Variants in DNAJC17 observed in about 807,000 individuals in gnomAD.
DNAJC17 encodes the protein dnaJ homolog subfamily C member 17.
In DNAJC17, 35 loss-of-function variants were observed where a neutral mutation model predicts 48.1. The observed-to-expected ratio is 0.73, with a 90% CI of 0.56 to 0.96. DNAJC17 has a LOEUF of 0.96. Ranked by LOEUF, DNAJC17 falls within the 50% of genes least tolerant of loss-of-function variation. The pLI, the probability that DNAJC17 is intolerant of heterozygous loss-of-function variation, is 0.00. For missense variants in DNAJC17, 355 were observed against 377.1 expected (o/e 0.94, Z 0.48); for synonymous variants, 117 against 142.7 (o/e 0.82, Z 1.28).
chr15:40,807,452 C>T lies in DNAJC17; in HGVS notation c.-6G>A. The T allele has an allele frequency of 1.9e-6, 3 of 1,614,190 alleles. No individual in the cohort carries two copies. The highest frequency in any genetic ancestry group is 4.5e-5 in the East Asian group (2 of 44,888). On this transcript the variant is annotated 5_prime_UTR_variant, in exon 1 of 11. Transcript: ENST00000220496. Reference sequence around the variant, plus strand: ...AGCTCCTTGGTCACTGCCATGGTTCCGGCCTGACGGATTCGTACTACAACT... The same window carrying T: ...AGCTCCTTGGTCACTGCCATGGTTCTGGCCTGACGGATTCGTACTACAACT...
Position 40,770,972 on chromosome 15 carries a change from G to C in DNAJC17, c.792+2755C>G. 3 of 1,551,324 alleles carry C rather than the reference G, an allele frequency of 1.9e-6. No individual in the cohort carries two copies. Among genetic ancestry groups the C allele is most frequent in the East Asian group, 4.9e-5 (2 of 40,924 alleles). ...TGGACCTGGGGATTTCACTTCTTGA[G>C]GAAGTTCTGCAGATGCTAAGGGAGC... On this transcript the variant is annotated intron_variant, in intron 10 of 10. Coordinates refer to ENST00000220496, the MANE Select transcript of DNAJC17 (RefSeq NM_018163.3). The surrounding 1 kb of genome is among the most constrained non-coding windows in gnomAD (Gnocchi z 5.0).
chr15:40,799,488 C>T (rs1183140696), intron 1 of DNAJC17, among the ~76,000 whole-genome samples: 1 of 152,132 alleles, frequency 6.6e-6, no homozygotes, highest in Non-Finnish European at 1.5e-5. Context: ...GAGGGAAGAA[C>T]ATTTGCAGAA....
chr15:40,804,250 G>GT (rs1890148212), intron 1 of DNAJC17, among the ~76,000 whole-genome samples: 1 of 151,886 alleles, frequency 6.6e-6, no homozygotes, highest in Admixed American at 6.6e-5. Flanking sequence ...GATTGCAGGT[G>GT]TGAGCCATCA....
chr15:40,781,888 C>T (rs1386844398), intron 1 of DNAJC17, among the ~76,000 whole-genome samples: 1 of 151,992 alleles, frequency 6.6e-6, no homozygotes, highest in African/African-American at 2.4e-5. Context: ...CACCATTGCA[C>T]TGCAGCCTGG....
rs115548865 is a variant in DNAJC17, at chr15:40,790,737, G to A, written c.79-10740C>T. ...GCTTGCTTTCAAGGTCTCATCAAATGAGATAATTTATGTGAAAGCACTTTG... is the reference window on the plus strand; with the variant it reads ...GCTTGCTTTCAAGGTCTCATCAAATAAGATAATTTATGTGAAAGCACTTTG... On this transcript the variant is annotated intron_variant, in intron 1 of 10. Transcript: ENST00000220496. 7.3e-3 allele frequency among the ~76,000 whole-genome samples: 1,107 copies of A among 152,326 alleles called. 17 individuals carry two copies. Among genetic ancestry groups the A allele is most frequent in the African/African-American group, 0.025 (1,045 of 41,580 alleles).
At chr15:40,779,815 G>A in intron 2 of DNAJC17, 113 bp downstream of exon 2, 3 of 1,260,192 alleles carry the variant, frequency 2.4e-6, no homozygotes, top group Non-Finnish European at 3.4e-6. Flanking sequence ...ATTGCCTGGA[G>A]CCAGGCAATG....
In DNAJC17 at chr15:40,770,713, G is replaced by C. The variant is rs779330480; in HGVS notation, c.793-2651C>G. On this transcript the variant is annotated intron_variant, in intron 10 of 10. Coordinates refer to ENST00000220496, the MANE Select transcript of DNAJC17 (RefSeq NM_018163.3). The surrounding 1 kb of genome is among the most constrained non-coding windows in gnomAD (Gnocchi z 5.0). ...CCACTGTGGGGGGACGAGCAGCCCC[G>C]GGCCACCCTGCTGGCCCCACCCAAG... 206 of 1,546,402 alleles carry C rather than the reference G, an allele frequency of 1.3e-4. No individual in the cohort carries two copies. The highest frequency in any genetic ancestry group is 1.0e-3 in the Middle Eastern group (6 of 5,980).
Position 40,767,412 on chromosome 15 carries a change from C to G in DNAJC17, c.*528G>C, listed in dbSNP as rs1888975238. 9.3e-6 allele frequency: 14 copies of G among 1,503,760 alleles called. No homozygotes were observed. Among genetic ancestry groups the G allele is most frequent in the Non-Finnish European group, 9.8e-6 (11 of 1,121,866 alleles). The allele number at this position is 1,503,760 out of a possible 1,614,324, so 93.2% of individuals were successfully genotyped here. Reference sequence around the variant, plus strand: ...GAGGGGCTGCTGTGGGCCCTGACCTCCAAGCTCCTGCCTCACCGTCTGCCT... The same window carrying G: ...GAGGGGCTGCTGTGGGCCCTGACCTGCAAGCTCCTGCCTCACCGTCTGCCT... On this transcript the variant is annotated 3_prime_UTR_variant, in exon 11 of 11. Coordinates refer to ENST00000220496, the MANE Select transcript of DNAJC17 (RefSeq NM_018163.3).
intron 1 of DNAJC17, among the ~76,000 whole-genome samples, chr15:40,804,876 C>T (rs750361142): frequency 6.6e-6 from 1 of 152,100 alleles, no homozygotes; most frequent in Non-Finnish European, 1.5e-5. Context: ...GTGGCACATG[C>T]CTGTAATCCC....
chr15:40,770,697 G>A lies in DNAJC17; in HGVS notation c.793-2635C>T, dbSNP rs1287681813. The stretch of plus-strand genomic sequence containing the variant: ...AGATGGCCGGCGCCTGCCACTGTGG[G>A]GGGACGAGCAGCCCCGGGCCACCCT... On this transcript the variant is annotated intron_variant, in intron 10 of 10. Transcript: ENST00000220496. This position sits in a 1 kb window ranked among gnomAD's most constrained non-coding sequence, Gnocchi z 5.0. 1 of 1,547,892 alleles carries A rather than the reference G, an allele frequency of 6.5e-7. No individual in the cohort carries two copies. Among genetic ancestry groups the A allele is most frequent in the Non-Finnish European group, 8.7e-7 (1 of 1,146,942 alleles).
At chr15:40,806,267 G>A (rs994918098) in intron 1 of DNAJC17, among the ~76,000 whole-genome samples, 1 of 144,594 alleles carries the variant, frequency 6.9e-6, no homozygotes, top group Non-Finnish European at 1.5e-5. Flanking sequence ...CGCCCAGACT[G>A]GAGTGCAGTG....
Position 40,774,305 on chromosome 15 carries a change from C to A in DNAJC17, c.681+51G>T, listed in dbSNP as rs764917108. ...GAGGGCCCACAGAATTGGGTCCCTG[C>A]CCTAGAATGACAGGGCCACGAGGGG... On this transcript the variant is annotated intron_variant, in intron 9 of 10. Coordinates refer to ENST00000220496, the MANE Select transcript of DNAJC17 (RefSeq NM_018163.3). 6.3e-6 allele frequency: 10 copies of A among 1,595,834 alleles called. No individual in the cohort carries two copies. The South Asian group carries it at 1.1e-4, about 18-fold the overall frequency.
chr15:40,771,673 C>T (rs914430833), intron 10 of DNAJC17: 2 of 170,102 alleles, frequency 1.2e-5, no homozygotes, highest in Non-Finnish European at 2.8e-5. Context: ...TTCCACATTC[C>T]AAATGCCCGG....
chr15:40,795,300 G>T (rs1889918593), intron 1 of DNAJC17, among the ~76,000 whole-genome samples: 1 of 117,998 alleles, frequency 8.5e-6, no homozygotes, highest in Non-Finnish European at 1.7e-5. Context: ...AGGGAGGGGG[G>T]AGGGAAGGAA....
At chr15:40,790,668 C>T (rs922728862) in intron 1 of DNAJC17, among the ~76,000 whole-genome samples, 1 of 152,164 alleles carries the variant, frequency 6.6e-6, no homozygotes, top group Non-Finnish European at 1.5e-5. Context: ...GTCTTTGTTT[C>T]CACATCTAGG....
intron 1 of DNAJC17, among the ~76,000 whole-genome samples, chr15:40,805,486 G>A (rs1890184967): frequency 6.6e-6 from 1 of 152,012 alleles, no homozygotes; most frequent in South Asian, 2.1e-4. Context: ...GGCAGAAGTT[G>A]CAGTAAGCTG....
chr15:40,785,032 A>G (rs1007279935), intron 1 of DNAJC17, among the ~76,000 whole-genome samples: 1 of 152,100 alleles, frequency 6.6e-6, no homozygotes, highest in Non-Finnish European at 1.5e-5. Flanking sequence ...CAGGAGGCGG[A>G]GCTTGCAGTG....
intron 1 of DNAJC17, among the ~76,000 whole-genome samples, chr15:40,783,303 A>G (rs902508122): frequency 1.3e-5 from 2 of 152,246 alleles, no homozygotes; most frequent in East Asian, 3.9e-4. Context: ...TCATTAACAC[A>G]TATAAAAGCA....
chr15:40,798,926 T>C (rs574955720), intron 1 of DNAJC17, among the ~76,000 whole-genome samples: 54 of 152,114 alleles, frequency 3.5e-4, no homozygotes, highest in Non-Finnish European at 6.3e-4. Context: ...GTGTAAGAAT[T>C]TGGCGCTTGC....
Sources: gnomAD v4.1 joint callset for allele counts (sites outside exome capture counted in the v4.1 genomes callset) on GRCh38, gnomAD v4.1.1 for gene constraint, Gnocchi (gnomAD v3.1) non-coding constraint, MANE v1.5 for transcripts, NCBI Gene and HGNC (gene_info 2026-07-23, HGNC 2026-07-21) for gene names.